Variants in SHISA5 observed in about 807,000 individuals in gnomAD.
SHISA5 encodes protein shisa-5.
SHISA5 carries 21 observed loss-of-function variants against 27.5 expected under a neutral mutation model. The ratio of observed to expected loss-of-function variants is 0.76; its 90% CI spans 0.54 to 1.10. SHISA5 has a LOEUF of 1.10. SHISA5 is among the 50% of genes least tolerant of loss of function. The pLI is 0.00. For missense variants in SHISA5, 314 were observed against 336.3 expected, an observed-to-expected ratio of 0.93 and a Z score of 0.52; for synonymous variants, 137 against 142.2, an observed-to-expected ratio of 0.96 and a Z score of 0.26.
intron 1 of SHISA5, chr3:48,502,551 C>T (rs931693402): frequency 5.7e-6 from 2 of 353,258 alleles, no homozygotes; most frequent in African/African-American, 4.3e-5. Flanking sequence ...TGGCTGACAA[C>T]AAATGTGGAA....
chr3:48,473,063 C>T lies in SHISA5; in HGVS notation c.315-3220G>A, dbSNP rs2040697306. 1 of 1,522,892 alleles carries T rather than the reference C, an allele frequency of 6.6e-7. No homozygotes were observed. The highest frequency in any genetic ancestry group is 1.2e-5 in the South Asian group (1 of 82,484). 94.3% of individuals were successfully genotyped at this position (1,522,892 alleles called of 1,614,324 possible). On this transcript the variant is annotated intron_variant, in intron 3 of 5. Transcript: ENST00000296444. This position sits in a 1 kb window ranked among gnomAD's most constrained non-coding sequence, Gnocchi z 4.3. ...GGCCTCCTGTACCCCTGGGCTTTCC[C>T]CTCTTCCCATCGTGGGCCACTCAGT...
At chr3:48,481,564 G>A (rs952357643) in intron 2 of SHISA5, among the ~76,000 whole-genome samples, 4 of 152,104 alleles carry the variant, frequency 2.6e-5, no homozygotes, top group African/African-American at 9.7e-5. Flanking sequence ...GCTGAGGAGG[G>A]CGGATCATGA....
intron 1 of SHISA5, 158 bp downstream of exon 1, chr3:48,503,861 G>A: frequency 1.5e-6 from 2 of 1,307,156 alleles, no homozygotes; most frequent in Non-Finnish European, 1.9e-6. Flanking sequence ...GGTGGAGGAG[G>A]GGTCCGCAGT....
chr3:48,468,020 AG>A lies in SHISA5; in HGVS notation c.*1086del. On this transcript the variant is annotated 3_prime_UTR_variant, in exon 6 of 6. Coordinates refer to ENST00000296444, the MANE Select transcript of SHISA5 (RefSeq NM_016479.6). ...CATGTCTGGGCCAGAGCTGCCATCC[AG>A]GGCCCCACACCCCACCTTTGGTCCA... 1 of 403,688 alleles carries A rather than the reference AG, an allele frequency of 2.5e-6. No individual in the cohort carries two copies. The highest frequency in any genetic ancestry group is 3.5e-6 in the Non-Finnish European group (1 of 282,922). 25.0% of individuals were successfully genotyped at this position (403,688 alleles called of 1,614,324 possible). A position where few individuals can be genotyped will look rare whatever the true frequency, so the allele number is the denominator to read the frequency against.
chr3:48,469,831 G>C lies in SHISA5; in HGVS notation c.327C>G (p.Thr109=). 1 of 1,613,670 alleles carries C rather than the reference G, an allele frequency of 6.2e-7. No individual in the cohort carries two copies. The highest frequency in any genetic ancestry group is 1.6e-4 in the Middle Eastern group (1 of 6,062). Residue 109 remains threonine, a synonymous_variant, in exon 4 of 6, where the codon ACC becomes ACG. Transcript: ENST00000296444. This position sits in a 1 kb window ranked among gnomAD's most constrained non-coding sequence, Gnocchi z 4.6. ...CAAAGATGGTCAGGCCAACGGCCAA[G>C]GTCGCTCCGAACCTGCCAAAGAGCT... is the stretch of plus-strand genomic sequence containing the variant. ...YNDPMSGFGA[T]LAVGLTIFVL...
chr3:48,469,770 A>C lies in SHISA5; in HGVS notation c.388T>G (p.Cys130Gly). 2 of 1,614,124 alleles carry C rather than the reference A, an allele frequency of 1.2e-6. No homozygotes were observed. Among genetic ancestry groups the C allele is most frequent in the Non-Finnish European group, 1.7e-6 (2 of 1,180,002 alleles). Residue 130 changes from cysteine (C) to glycine (G), a missense_variant, in exon 4 of 6, where the codon TGC (cysteine) becomes GGC (glycine). Physicochemically the swap from Cys to Gly is radical, Grantham distance 159 (BLOSUM62 -3). Transcript: ENST00000296444. The surrounding 1 kb of genome is among the most constrained non-coding windows in gnomAD (Gnocchi z 4.6). The part of the protein sequence containing the change: ...SVVTIIICFT[C>G]SCCCLYKTCR... ...GTCTTGTAAAGGCAGCAGCAGGAGC[A>C]GGTGAAGCAGATGATGATAGTGACG...
In SHISA5 at chr3:48,468,672, C is replaced by T. The variant is rs1366910576; in HGVS notation, c.*435G>A. 5.7e-6 allele frequency: 7 copies of T among 1,218,678 alleles called. No homozygotes were observed. Among genetic ancestry groups the T allele is most frequent in the African/African-American group, 3.1e-5 (2 of 63,676 alleles). 75.5% of individuals were successfully genotyped at this position (1,218,678 alleles called of 1,614,324 possible). On this transcript the variant is annotated 3_prime_UTR_variant, in exon 6 of 6. Coordinates refer to ENST00000296444, the MANE Select transcript of SHISA5 (RefSeq NM_016479.6). ...CTCAAGCAGCAGCTGGCTACGCTGC[C>T]GAAACCAGGACACATCTGCATCACA...
intron 3 of SHISA5, among the ~76,000 whole-genome samples, chr3:48,472,043 C>G (rs1389077781): frequency 6.6e-6 from 1 of 151,304 alleles, no homozygotes; most frequent in African/African-American, 2.4e-5. Flanking sequence ...ATTAGCAGGG[C>G]GTAGTGGCGC....
At chr3:48,500,602 A>C (rs773455985) in intron 2 of SHISA5, among the ~76,000 whole-genome samples, 37 of 152,150 alleles carry the variant, frequency 2.4e-4, no homozygotes, top group Non-Finnish European at 3.1e-4. Flanking sequence ...AGAGCCACAC[A>C]CAGGGGCCTG....
At chr3:48,472,678 T>A (rs531535363) in intron 3 of SHISA5, among the ~76,000 whole-genome samples, 8 of 151,410 alleles carry the variant, frequency 5.3e-5, no homozygotes, top group African/African-American at 1.9e-4. Context: ...CCAAGGAGGG[T>A]GTGGGTCCCA....
rs2040468720 is a variant in SHISA5 at position 48,468,952 on chromosome 3, C to T, written c.*155G>A. ...CCACCTTGTCAGCATCAGAGGAAGC[C>T]ACATATACAGGCAGGACACACACAG... is the stretch of plus-strand genomic sequence containing the variant. On this transcript the variant is annotated 3_prime_UTR_variant, in exon 6 of 6. Transcript: ENST00000296444. The T allele has an allele frequency of 5.1e-6, 8 of 1,572,272 alleles. No homozygotes were observed. Among genetic ancestry groups the T allele is most frequent in the Non-Finnish European group, 4.3e-6 (5 of 1,167,094 alleles).
At chr3:48,483,838 G>C (rs1190146617) in intron 2 of SHISA5, among the ~76,000 whole-genome samples, 1 of 151,262 alleles carries the variant, frequency 6.6e-6, no homozygotes. Context: ...CCTCCCTCCC[G>C]GACAGGGCGG....
chr3:48,482,572 C>T (rs1025029354), intron 2 of SHISA5, among the ~76,000 whole-genome samples: 1 of 152,052 alleles, frequency 6.6e-6, no homozygotes, highest in Non-Finnish European at 1.5e-5. Context: ...GGTTATATTG[C>T]CCTTATATTG....
chr3:48,483,662 T>A (rs13088249), intron 2 of SHISA5, among the ~76,000 whole-genome samples: 1 of 149,332 alleles, frequency 6.7e-6, no homozygotes, highest in Non-Finnish European at 1.5e-5. Context: ...CCAGTAGGGG[T>A]GGCCGGGCAG....
chr3:48,502,165 A>G (rs1179281599), intron 1 of SHISA5, among the ~76,000 whole-genome samples: 1 of 152,060 alleles, frequency 6.6e-6, no homozygotes, highest in South Asian at 2.1e-4. Flanking sequence ...CCCCAGCCAG[A>G]CTGTCTAGTT....
chr3:48,475,433 AC>A (rs1485831842), intron 3 of SHISA5, among the ~76,000 whole-genome samples: 6 of 152,054 alleles, frequency 3.9e-5, no homozygotes, highest in Non-Finnish European at 7.4e-5. Context: ...TCTGGGGAGA[AC>A]TCGGCGGCCT....
intron 2 of SHISA5, among the ~76,000 whole-genome samples, chr3:48,499,411 G>C (rs968841100): frequency 5.3e-5 from 8 of 152,036 alleles, no homozygotes; most frequent in Non-Finnish European, 1.2e-4. Context: ...AGGCGCGGTG[G>C]CTCATGCCTG....
intron 2 of SHISA5, among the ~76,000 whole-genome samples, chr3:48,495,660 T>C (rs1195176774): frequency 6.8e-6 from 1 of 146,842 alleles, no homozygotes; most frequent in Admixed American, 6.7e-5. Context: ...TGGCTAAGAC[T>C]ACAGGTGCAT....
At chr3:48,477,779 C>T (rs1025660667) in intron 3 of SHISA5, among the ~76,000 whole-genome samples, 1 of 152,200 alleles carries the variant, frequency 6.6e-6, no homozygotes, top group Non-Finnish European at 1.5e-5. Context: ...TGCTCCTTCC[C>T]ACTCCCTCCA....
Sources: allele counts gnomAD v4.1 joint callset (sites outside exome capture counted in the v4.1 genomes callset), GRCh38; gene constraint gnomAD v4.1.1; non-coding constraint Gnocchi (gnomAD v3.1); transcripts MANE v1.5; gene names NCBI Gene and HGNC (gene_info 2026-07-23, HGNC 2026-07-21).